Variants in MAP3K19 observed in about 807,000 individuals in gnomAD.
MAP3K19 encodes mitogen-activated protein kinase kinase kinase 19, also known as SPS1/STE20-related protein kinase YSK4.
Under a neutral mutation model 114.4 loss-of-function variants are expected in MAP3K19, and 91 were observed. That is an observed-to-expected ratio of 0.80 (90% confidence interval 0.67 to 0.95). The LOEUF (loss-of-function observed/expected upper bound fraction) is 0.95. MAP3K19 is among the 40% of genes least tolerant of loss of function. MAP3K19 has a pLI of 0.00. For missense variants in MAP3K19, 1,471 were observed against 1,573.2 expected (o/e 0.94, Z 1.10); for synonymous variants, 518 against 530.5 (o/e 0.98, Z 0.32).
chr2:134,966,856 G>T (rs1683392735), intron 12 of MAP3K19, among the ~76,000 whole-genome samples: 1 of 152,170 alleles, frequency 6.6e-6, no homozygotes, highest in African/African-American at 2.4e-5. Flanking sequence ...GTTCTCCATG[G>T]TCATGGCCCA....
At chr2:135,036,358 C>T (rs186354438) in intron 2 of MAP3K19, among the ~76,000 whole-genome samples, 1 of 152,242 alleles carries the variant, frequency 6.6e-6, no homozygotes, top group East Asian at 1.9e-4. Context: ...CACCTTCATT[C>T]AAATGTAAGT....
chr2:135,019,961 C>T (rs527907552), intron 5 of MAP3K19, among the ~76,000 whole-genome samples: 1 of 152,144 alleles, frequency 6.6e-6, no homozygotes, highest in African/African-American at 2.4e-5. Flanking sequence ...CGAGGAGGCA[C>T]CTCCTTTTTG....
At chr2:134,966,846 G>C (rs1442454230) in intron 12 of MAP3K19, among the ~76,000 whole-genome samples, 1 of 152,186 alleles carries the variant, frequency 6.6e-6, no homozygotes, top group Non-Finnish European at 1.5e-5. Flanking sequence ...CAGTGGACCT[G>C]TTCTCCATGG....
chr2:135,046,993 G>A (rs1688758574), intron 1 of MAP3K19, among the ~76,000 whole-genome samples, 192 bp downstream of exon 1: 1 of 152,160 alleles, frequency 6.6e-6, no homozygotes, highest in South Asian at 2.1e-4. Context: ...AAGTATTGGA[G>A]GAAATCGTCA....
chr2:135,003,263 T>C (rs1686579103), intron 6 of MAP3K19, among the ~76,000 whole-genome samples: 1 of 152,216 alleles, frequency 6.6e-6, no homozygotes, highest in African/African-American at 2.4e-5. Flanking sequence ...TATTTTGTTT[T>C]GGCAGCATGA....
At chr2:134,968,926 C>T (rs1683645423) in intron 12 of MAP3K19, among the ~76,000 whole-genome samples, 1 of 151,998 alleles carries the variant, frequency 6.6e-6, no homozygotes, top group Non-Finnish European at 1.5e-5. Flanking sequence ...GGCAGAGACG[C>T]TCCTCACTTC....
intron 3 of MAP3K19, among the ~76,000 whole-genome samples, chr2:135,025,138 A>G (rs776964385): frequency 2.6e-5 from 4 of 152,008 alleles, no homozygotes; most frequent in Non-Finnish European, 5.9e-5. Flanking sequence ...TGATTGTCTT[A>G]TCATTCCAAA....
At chr2:134,997,814 T>G (rs1686113455) in intron 8 of MAP3K19, among the ~76,000 whole-genome samples, 2 of 80,502 alleles carry the variant, frequency 2.5e-5, no homozygotes, top group Non-Finnish European at 4.7e-5. Flanking sequence ...CGAGACTCCG[T>G]CTCAAAAAAA....
Position 134,987,356 on chromosome 2 carries a change from G to A in MAP3K19, c.1516C>T (p.Gln506Ter), listed in dbSNP as rs1382013875. 3 of 1,614,096 alleles carry A rather than the reference G, an allele frequency of 1.9e-6. No homozygotes were observed. Among genetic ancestry groups the A allele is most frequent in the Non-Finnish European group, 2.5e-6 (3 of 1,180,022 alleles). The change falls in exon 10 of 13, where the codon CAA becomes TAA. Residue 506 changes from glutamine (Q) to a stop codon, truncating the protein, a stop_gained. Coordinates refer to ENST00000392915, the MANE Select transcript of MAP3K19 (RefSeq NM_025052.5). LOFTEE classifies it high-confidence loss of function. ...TTATGAATGGTTCCCTTTCTTGTTT[G>A]GAGGCTTGGTTTGGCTATCACTGGT... is the stretch of plus-strand genomic sequence containing the variant. ...KEPVIAKPSL[Q>*]TRKGTIHNNH...
In MAP3K19 at chr2:134,981,159, G is replaced by A; in HGVS notation, c.3582C>T (p.Leu1194=). The A allele has an allele frequency of 1.2e-6, 2 of 1,614,128 alleles. No homozygotes were observed. Among genetic ancestry groups the A allele is most frequent in the Non-Finnish European group, 1.7e-6 (2 of 1,180,056 alleles). ...HRDIKGNNVM[L]MPTGIIKLID... ...TCAGCTTTATTATTCCAGTTGGCATGAGCATAACATTATTTCCTTTGATAT... is the reference window on the plus strand; with the variant it reads ...TCAGCTTTATTATTCCAGTTGGCATAAGCATAACATTATTTCCTTTGATAT... Residue 1194 remains leucine (L), a synonymous_variant, in exon 12 of 13, where the codon CTC becomes CTT. Transcript: ENST00000392915.
intron 12 of MAP3K19, among the ~76,000 whole-genome samples, chr2:134,979,461 TGTGTG>T (rs1684467422): frequency 6.6e-6 from 1 of 151,850 alleles, no homozygotes; most frequent in Non-Finnish European, 1.5e-5. Flanking sequence ...TGTGTGTGTG[TGTGTG>T]TGTGTGTGTG....
At chr2:135,038,084 A>G (rs945864331) in intron 2 of MAP3K19, among the ~76,000 whole-genome samples, 1 of 152,096 alleles carries the variant, frequency 6.6e-6, no homozygotes, top group Non-Finnish European at 1.5e-5. Flanking sequence ...GCAGGAGGAC[A>G]TGGGATCAGG....
chr2:135,018,700 C>A (rs181065976), intron 5 of MAP3K19, among the ~76,000 whole-genome samples: 223 of 152,154 alleles, frequency 1.5e-3, no homozygotes, highest in African/African-American at 5.1e-3. Flanking sequence ...GAAAGTAAAT[C>A]AGTGGAGGAA....
At chr2:135,021,037 T>C (rs976460580) in intron 5 of MAP3K19, among the ~76,000 whole-genome samples, 1 of 152,180 alleles carries the variant, frequency 6.6e-6, no homozygotes, top group Non-Finnish European at 1.5e-5. Context: ...ATTTGATTAT[T>C]TAGTATGGAT....
intron 12 of MAP3K19, among the ~76,000 whole-genome samples, chr2:134,977,705 C>T (rs1284841316): frequency 1.3e-5 from 2 of 152,100 alleles, no homozygotes; most frequent in Non-Finnish European, 2.9e-5. Context: ...CTATGTTGCC[C>T]AGGCTGATCT....
At chr2:134,982,256 C>G (rs1030875070) in intron 11 of MAP3K19, among the ~76,000 whole-genome samples, 5 of 149,722 alleles carry the variant, frequency 3.3e-5, no homozygotes, top group African/African-American at 9.8e-5. Context: ...GTAGCTGGGA[C>G]TACAGGCATG....
In MAP3K19 at chr2:134,981,032, C is replaced by T; in HGVS notation, c.3709G>A (p.Glu1237Lys). 6.2e-7 allele frequency: 1 copy of T among 1,614,242 alleles called. No homozygotes were observed. The highest frequency in any genetic ancestry group is 8.5e-7 in the Non-Finnish European group (1 of 1,180,036). The change falls in exon 12 of 13, where the codon GAA becomes AAA. Residue 1237 changes from glutamate to lysine, a missense_variant. Physicochemically the swap from Glu to Lys is moderately conservative, Grantham distance 56 (BLOSUM62 1). Transcript: ENST00000392915. ...MHGTPYWMAP[E>K]VINESGYGRK... ...CCATAGCCAGACTCATTGATGACTT[C>T]TGGGGCCATCCAATATGGAGTCCCA...
rs1686296216 is a variant in MAP3K19 at position 134,999,639 on chromosome 2, C to A, written c.314+298G>T. Among the ~76,000 whole-genome samples the A allele has an allele frequency of 6.6e-6, 1 of 152,140 alleles. No homozygotes were observed. The highest frequency in any genetic ancestry group is 1.5e-5 in the Non-Finnish European group (1 of 68,028). ...GGTCAGCAAACTACAGCCCGGGGACCAAATCCAGCCTTCAGCCTTTTTCTG... is the reference window on the plus strand; with the variant it reads ...GGTCAGCAAACTACAGCCCGGGGACAAAATCCAGCCTTCAGCCTTTTTCTG... On this transcript the variant is annotated intron_variant, in intron 7 of 12. Transcript: ENST00000392915. The surrounding 1 kb of genome is among the most constrained non-coding windows in gnomAD (Gnocchi z 4.1).
intron 12 of MAP3K19, among the ~76,000 whole-genome samples, chr2:134,979,643 T>G (rs1684485799): frequency 6.8e-6 from 1 of 146,384 alleles, no homozygotes; most frequent in Non-Finnish European, 1.5e-5. Context: ...TTTATGCGGT[T>G]TTTTTTTTTT....
Sources: gnomAD v4.1 joint callset for allele counts (sites outside exome capture counted in the v4.1 genomes callset) on GRCh38, gnomAD v4.1.1 for gene constraint, Gnocchi (gnomAD v3.1) non-coding constraint, MANE v1.5 for transcripts, NCBI Gene and HGNC (gene_info 2026-07-23, HGNC 2026-07-21) for gene names.